DGKB: variants seen among roughly 807,000 people sequenced by gnomAD.
DGKB encodes diacylglycerol kinase beta.
DGKB carries 67 observed loss-of-function variants against 114.3 expected under a neutral mutation model. The observed-to-expected ratio is 0.59, with a 90% CI of 0.48 to 0.72. The LOEUF is 0.72. DGKB is among the 30% of genes least tolerant of loss of function. The pLI is 0.00. For synonymous variants in DGKB, 398 were observed against 323.1 expected (o/e 1.23, Z -2.49); for missense variants, 907 against 975.2 (o/e 0.93, Z 0.93).
intron 2 of DGKB, among the ~76,000 whole-genome samples, chr7:14,794,388 A>C (rs1841112059): frequency 6.6e-6 from 1 of 152,194 alleles, no homozygotes; most frequent in South Asian, 2.1e-4. Context: ...ACTCCTAATC[A>C]ACTACTTACA....
Position 14,718,585 on chromosome 7 carries a change from G to C in DGKB, c.423C>G (p.Tyr141Ter). The stretch of plus-strand genomic sequence containing the variant: ...GTCTTCCTCTTTCAAGCAGAGACAG[G>C]TAACAGACAATGTCCTTCAGATGGA... ...EVIHLKDIVCYLSLLERGRPE... is the reference protein window; with the variant it reads ...EVIHLKDIVC Residue 141 changes from tyrosine to a stop codon, truncating the protein, a stop_gained, in exon 6 of 26, where the codon TAC (tyrosine) becomes TAG (stop). Coordinates refer to ENST00000402815, the MANE Select transcript of DGKB (RefSeq NM_001350709.2). LOFTEE classifies it high-confidence loss of function. The C allele has an allele frequency of 1.2e-6, 2 of 1,613,036 alleles. No homozygotes were observed. Among genetic ancestry groups the C allele is most frequent in the Non-Finnish European group, 1.7e-6 (2 of 1,179,432 alleles).
intron 2 of DGKB, among the ~76,000 whole-genome samples, chr7:14,831,759 C>G (rs1162748383): frequency 6.6e-6 from 1 of 152,088 alleles, no homozygotes; most frequent in Non-Finnish European, 1.5e-5. Context: ...AGACCTTCCA[C>G]AGTCTGGGCA....
chr7:14,731,360 C>T (rs182823783), intron 5 of DGKB, among the ~76,000 whole-genome samples: 1 of 151,738 alleles, frequency 6.6e-6, no homozygotes, highest in African/African-American at 2.4e-5. Context: ...AATTGAGGTA[C>T]GTTATGTCTG....
chr7:14,778,603 AG>A, intron 2 of DGKB, among the ~76,000 whole-genome samples: 1 of 152,316 alleles, frequency 6.6e-6, no homozygotes. Flanking sequence ...AGAAACTAGA[AG>A]GTAAAGGTAA....
chr7:14,350,068 G>A (rs954260634), intron 21 of DGKB, among the ~76,000 whole-genome samples: 1 of 152,094 alleles, frequency 6.6e-6, no homozygotes, highest in Non-Finnish European at 1.5e-5. Context: ...AAATCTACAA[G>A]TTTCTATTTA....
chr7:14,784,167 T>C (rs1481445469), intron 2 of DGKB, among the ~76,000 whole-genome samples: 1 of 152,072 alleles, frequency 6.6e-6, no homozygotes, highest in East Asian at 1.9e-4. Flanking sequence ...TTTACTACAA[T>C]CTACTGATGT....
chr7:14,532,634 C>T (rs1343812821), intron 20 of DGKB, among the ~76,000 whole-genome samples: 2 of 151,176 alleles, frequency 1.3e-5, no homozygotes, highest in East Asian at 1.9e-4. Context: ...CACCAAAATG[C>T]ATGAAGTGAA....
chr7:14,840,384 T>C (rs931372640), intron 2 of DGKB, among the ~76,000 whole-genome samples: 2 of 152,156 alleles, frequency 1.3e-5, no homozygotes, highest in African/African-American at 4.8e-5. Flanking sequence ...TGTTTCTTTT[T>C]CTCTCTTCAA....
rs34641587 is a variant in DGKB at position 14,451,545 on chromosome 7, G to GTCTCTCTCTCTCTCTCTCTC, written c.1835+26596_1835+26615dup. 3.5e-5 allele frequency among the ~76,000 whole-genome samples: 5 copies of GTCTCTCTCTCTCTCTCTCTC among 141,064 alleles called. No individual in the cohort carries two copies. The South Asian group carries it at 6.7e-4, about 19-fold the overall frequency. The allele number at this position is 141,064 out of a possible 152,430, so 92.5% of individuals were successfully genotyped here. The stretch of plus-strand genomic sequence containing the variant: ...TTCCTTATAATAAATCTCTCTATCT[G>GTCTCTCTCTCTCTCTCTCTC]TCTCTCTCTCTCTCTCTCTCTCTCT... On this transcript the variant is annotated intron_variant, in intron 21 of 25. Coordinates refer to ENST00000402815, the MANE Select transcript of DGKB (RefSeq NM_001350709.2).
At chr7:14,317,399 C>T (rs1806787949) in intron 23 of DGKB, among the ~76,000 whole-genome samples, 2 of 144,340 alleles carry the variant, frequency 1.4e-5, no homozygotes, top group Non-Finnish European at 3.0e-5. Flanking sequence ...CTGTCTCAGC[C>T]CAAAATCTCC....
intron 2 of DGKB, among the ~76,000 whole-genome samples, chr7:14,767,974 T>TA (rs369287439): frequency 1.3e-3 from 203 of 152,092 alleles, no homozygotes; most frequent in African/African-American, 4.5e-3. Context: ...ACAAAATCAT[T>TA]AAAGTTGACA....
intron 20 of DGKB, among the ~76,000 whole-genome samples, chr7:14,491,475 A>T (rs558408346): frequency 6.6e-6 from 1 of 152,242 alleles, no homozygotes; most frequent in East Asian, 1.9e-4. Flanking sequence ...AAATGGACTA[A>T]TACCCATCTT....
chr7:14,298,865 A>T (rs545850800), intron 23 of DGKB, among the ~76,000 whole-genome samples: 5 of 152,314 alleles, frequency 3.3e-5, no homozygotes, highest in African/African-American at 4.8e-5. Flanking sequence ...AGACAACTCC[A>T]TCAAAAAGTG....
At chr7:14,560,587 T>C (rs1042487479) in intron 20 of DGKB, among the ~76,000 whole-genome samples, 2 of 152,184 alleles carry the variant, frequency 1.3e-5, no homozygotes, top group Non-Finnish European at 2.9e-5. Context: ...ATAGACCACA[T>C]CTTCTTTATC....
chr7:14,493,935 C>T (rs918570582), intron 20 of DGKB, among the ~76,000 whole-genome samples: 4 of 150,282 alleles, frequency 2.7e-5, no homozygotes, highest in Non-Finnish European at 4.4e-5. Context: ...TACACACACA[C>T]ACACACACAC....
intron 23 of DGKB, among the ~76,000 whole-genome samples, chr7:14,194,407 A>C (rs1398264901): frequency 6.6e-6 from 1 of 152,198 alleles, no homozygotes; most frequent in African/African-American, 2.4e-5. Context: ...ACATGGATGA[A>C]CCTGGAGGAC....
chr7:14,553,865 C>CTTTTTTTTTTTTTT lies in DGKB; in HGVS notation c.1770+20333_1770+20346dup, dbSNP rs58879064. On this transcript the variant is annotated intron_variant, in intron 20 of 25. Coordinates refer to ENST00000402815, the MANE Select transcript of DGKB (RefSeq NM_001350709.2). ...ATATATTTGTGTGCTCCTTTACATG[C>CTTTTTTTTTTTTTT]TTTTTTTTTTTTTTTTTTTTTTTTT... is the stretch of plus-strand genomic sequence containing the variant. Among the ~76,000 whole-genome samples, 2 of 71,208 alleles carry CTTTTTTTTTTTTTT rather than the reference C, an allele frequency of 2.8e-5. 1 individual carries two copies. The highest frequency in any genetic ancestry group is 1.2e-4 in the African/African-American group (2 of 17,254). The allele number at this position is 71,208 out of a possible 152,430, so 46.7% of individuals were successfully genotyped here.
chr7:14,567,941 C>G (rs1185995409), intron 20 of DGKB, among the ~76,000 whole-genome samples: 1 of 151,614 alleles, frequency 6.6e-6, no homozygotes, highest in Non-Finnish European at 1.5e-5. Flanking sequence ...TCCCATAACC[C>G]TAGAGCCTGA....
rs538454487 is a variant in DGKB at position 14,756,826 on chromosome 7, G to A, written c.147+829C>T. ...ATCTAGTTAATACATCCTGACAAAA[G>A]GGTCTTTTGCAAAGAGAAGTATGAA... On this transcript the variant is annotated intron_variant, in intron 3 of 25. Coordinates refer to ENST00000402815, the MANE Select transcript of DGKB (RefSeq NM_001350709.2). Among the ~76,000 whole-genome samples the A allele has an allele frequency of 9.9e-5, 15 of 151,892 alleles. No homozygotes were observed. In the South Asian group the frequency reaches 3.1e-3, roughly 32 times the overall value.
Sources: allele counts gnomAD v4.1 joint callset (sites outside exome capture counted in the v4.1 genomes callset), GRCh38; gene constraint gnomAD v4.1.1; transcripts MANE v1.5; gene names NCBI Gene and HGNC (gene_info 2026-07-23, HGNC 2026-07-21).